KLRC3: variants seen among roughly 807,000 people sequenced by gnomAD.
KLRC3 encodes killer cell lectin like receptor C3, also known as NKG2-E type II integral membrane protein.
KLRC3 carries 16 observed loss-of-function variants against 23.6 expected under a neutral mutation model. That is an observed-to-expected ratio of 0.68 (90% CI 0.46 to 1.03). The LOEUF (loss-of-function observed/expected upper bound fraction) is 1.03. KLRC3 is among the 50% of genes least tolerant of loss of function. The pLI, the probability that KLRC3 is intolerant of heterozygous loss-of-function variation, is 0.00. For missense variants in KLRC3, 209 were observed against 232.2 expected (o/e 0.90, Z 0.65); for synonymous variants, 70 against 71.8 (o/e 0.98, Z 0.13).
In KLRC3 at chr12:10,413,980, C is replaced by T. The variant is rs569063847; in HGVS notation, c.679-1364G>A. 2.2e-4 allele frequency among the ~76,000 whole-genome samples: 34 copies of T among 152,196 alleles called. No homozygotes were observed. The South Asian group carries it at 6.8e-3, about 31-fold the overall frequency. Reference sequence around the variant, plus strand: ...AACTCATCCTTTTTTATGGCTAAAGCAGTACTCTTAACAAATGCTTCCAGG... The same window carrying T: ...AACTCATCCTTTTTTATGGCTAAAGTAGTACTCTTAACAAATGCTTCCAGG... On this transcript the variant is annotated intron_variant, in intron 6 of 6. Coordinates refer to ENST00000396439, the MANE Select transcript of KLRC3 (RefSeq NM_002261.3).
chr12:10,415,466 T>A (rs1315276651), intron 6 of KLRC3: 5 of 616,418 alleles, frequency 8.1e-6, no homozygotes, highest in Non-Finnish European at 1.3e-5. Flanking sequence ...GAAGCCTGAA[T>A]GCCACAAACA....
intron 6 of KLRC3, among the ~76,000 whole-genome samples, chr12:10,414,848 T>C (rs958353671): frequency 1.3e-4 from 20 of 152,096 alleles, no homozygotes; most frequent in African/African-American, 4.8e-4. Flanking sequence ...TTTGAAATGA[T>C]AGATTTAAAT....
chr12:10,416,372 CGTTA>C (rs1482736499), intron 5 of KLRC3, among the ~76,000 whole-genome samples: 2 of 152,274 alleles, frequency 1.3e-5, no homozygotes, highest in Non-Finnish European at 2.9e-5. Context: ...CATCAGCTAG[CGTTA>C]GTGTTAGTGT....
intron 6 of KLRC3, 184 bp downstream of exon 6, chr12:10,415,520 G>T: frequency 2.0e-6 from 2 of 998,776 alleles, no homozygotes; most frequent in Non-Finnish European, 2.8e-6. Flanking sequence ...GAGGGTATCT[G>T]TACTTCCGTA....
At chr12:10,419,760 A>G (rs1240535871) in intron 2 of KLRC3, 106 bp downstream of exon 2, 1 of 333,754 alleles carries the variant, frequency 3.0e-6, no homozygotes, top group Admixed American at 4.6e-5. Flanking sequence ...TCTTTGAAAG[A>G]AACAGTAAAA....
rs779365377 is a variant in KLRC3, at chr12:10,420,384, T to C, written c.167A>G (p.Asp56Gly). The change falls in exon 1 of 7, where the codon GAT becomes GGT. Residue 56 changes from aspartate (D) to glycine (G), a missense_variant. Coordinates refer to ENST00000396439, the MANE Select transcript of KLRC3 (RefSeq NM_002261.3). Reference sequence around the variant, plus strand: ...TTTACCTTGGCAGTCATATATTTTATCAATCCCTTGATGATTCAGAGAAGC... The same window carrying C: ...TTTACCTTGGCAGTCATATATTTTACCAATCCCTTGATGATTCAGAGAAGC... ...QNASLNHQGI[D>G]KIYDCQGLLP... 1 of 1,613,660 alleles carries C rather than the reference T, an allele frequency of 6.2e-7. No homozygotes were observed. The highest frequency in any genetic ancestry group is 8.5e-7 in the Non-Finnish European group (1 of 1,179,674).
In KLRC3 at chr12:10,417,253, G is replaced by C. The variant is rs1384151395; in HGVS notation, c.487-486C>G. ...TGTGGAATAACAGGGGTCCTGGCCA[G>C]GTGGTGTAGACTCGTCTCTCTCTGC... On this transcript the variant is annotated intron_variant, in intron 4 of 6. Transcript: ENST00000396439. Among the ~76,000 whole-genome samples the C allele has an allele frequency of 2.0e-5, 3 of 151,850 alleles. No homozygotes were observed. The East Asian group carries it at 5.8e-4, about 29-fold the overall frequency.
intron 4 of KLRC3, among the ~76,000 whole-genome samples, chr12:10,418,013 C>G (rs1216195382): frequency 2.6e-5 from 4 of 152,148 alleles, no homozygotes; most frequent in Non-Finnish European, 5.9e-5. Flanking sequence ...AAACTTATTT[C>G]ATGATCTCAC....
chr12:10,415,463 GAA>G, intron 6 of KLRC3: 2 of 608,600 alleles, frequency 3.3e-6, no homozygotes, highest in South Asian at 4.8e-5. Context: ...TAGGAAGCCT[GAA>G]TGCCACAAAC....
At chr12:10,413,664 A>G (rs1358141373) in intron 6 of KLRC3, among the ~76,000 whole-genome samples, 1 of 152,142 alleles carries the variant, frequency 6.6e-6, no homozygotes, top group African/African-American at 2.4e-5. Context: ...GTTCTAGGGT[A>G]TATGTGCACA....
rs571456158 is a variant in KLRC3 at position 10,418,194 on chromosome 12, T to TA, written c.486+149dup. 88 of 819,840 alleles carry TA rather than the reference T, an allele frequency of 1.1e-4. No homozygotes were observed. The African/African-American group carries it at 1.4e-3, about 13-fold the overall frequency. The allele number at this position is 819,840 out of a possible 1,614,324, so 50.8% of individuals were successfully genotyped here. On this transcript the variant is annotated intron_variant, in intron 4 of 6. Coordinates refer to ENST00000396439, the MANE Select transcript of KLRC3 (RefSeq NM_002261.3). ...AAAGTACATTAGCGGTATATAACTTTAAAAACATTATTAAGTCAATCAACT... is the reference window on the plus strand; with the variant it reads ...AAAGTACATTAGCGGTATATAACTTTAAAAAACATTATTAAGTCAATCAACT...
Position 10,412,631 on chromosome 12 carries a change from G to A in KLRC3, c.679-15C>T, listed in dbSNP as rs1214327423. 6 of 700,624 alleles carry A rather than the reference G, an allele frequency of 8.6e-6. No homozygotes were observed. Among genetic ancestry groups the A allele is most frequent in the Admixed American group, 2.0e-5 (1 of 49,752 alleles). 43.4% of individuals were successfully genotyped at this position (700,624 alleles called of 1,614,324 possible). A position where few individuals can be genotyped will look rare whatever the true frequency, so the allele number is the denominator to read the frequency against. ...AAACCCCGTCTCTACAAAAAAATACGAAAATTAGCCAGCATGATGGTATTG... is the reference window on the plus strand; with the variant it reads ...AAACCCCGTCTCTACAAAAAAATACAAAAATTAGCCAGCATGATGGTATTG... On this transcript the variant is annotated splice_polypyrimidine_tract_variant and intron_variant, in intron 6 of 6. Transcript: ENST00000396439.
chr12:10,416,562 T>C, intron 5 of KLRC3, 105 bp downstream of exon 5: 1 of 1,342,872 alleles, frequency 7.4e-7, no homozygotes, highest in Non-Finnish European at 1.0e-6. Flanking sequence ...TCACTAACTT[T>C]CCACATCTTT....
At position 10,418,441 on chromosome 12, in the gene KLRC3, T is replaced by C. The variant is rs755424073; in HGVS notation, c.389A>G (p.Tyr130Cys). 6.2e-7 allele frequency: 1 copy of C among 1,609,932 alleles called. No homozygotes were observed. The highest frequency in any genetic ancestry group is 8.5e-7 in the Non-Finnish European group (1 of 1,176,380). ...CCAAGTTCTTCTTTCCTTACCAATG[T>C]AATAACAACTGTTGGAATATGTAAT... ...EWITYSNSCYYIGKERRTWEE... is the reference protein window; with the variant it reads ...EWITYSNSCYCIGKERRTWEE... Residue 130 changes from tyrosine (Y) to cysteine (C), a missense_variant, in exon 4 of 7, where the codon TAC (tyrosine) becomes TGC (cysteine). Tyr to Cys is a radical substitution (Grantham distance 194). Coordinates refer to ENST00000396439, the MANE Select transcript of KLRC3 (RefSeq NM_002261.3).
chr12:10,414,211 T>C (rs1404622046), intron 6 of KLRC3, among the ~76,000 whole-genome samples: 1 of 152,136 alleles, frequency 6.6e-6, no homozygotes, highest in Non-Finnish European at 1.5e-5. Context: ...AAACAAAGCC[T>C]AGTTTAACAT....
chr12:10,413,749 G>C (rs796674992), intron 6 of KLRC3, among the ~76,000 whole-genome samples: 10 of 152,206 alleles, frequency 6.6e-5, no homozygotes, highest in African/African-American at 2.4e-4. Context: ...ATTTACATTA[G>C]GTATTTCTCC....
chr12:10,416,561 T>C (rs1373708232), intron 5 of KLRC3, 106 bp downstream of exon 5: 1 of 1,336,566 alleles, frequency 7.5e-7, no homozygotes, highest in Non-Finnish European at 1.0e-6. Flanking sequence ...TTCACTAACT[T>C]TCCACATCTT....
At chr12:10,416,860 CA>C (rs1863652767) in intron 4 of KLRC3, 93 bp from the exon 5 acceptor site, 2 of 1,075,628 alleles carry the variant, frequency 1.9e-6, no homozygotes, top group Middle Eastern at 3.1e-4. Context: ...TTTGCAGTGC[CA>C]AAAACTTTCA....
In KLRC3 at chr12:10,418,510, A is replaced by G. The variant is rs1555124489; in HGVS notation, c.332-12T>C. On this transcript the variant is annotated splice_polypyrimidine_tract_variant and intron_variant, in intron 3 of 6. Transcript: ENST00000396439. ...GCCACAATGACGTGCTAATAAAGATATGAATTACTATCTAGACCAATATGA... is the reference window on the plus strand; with the variant it reads ...GCCACAATGACGTGCTAATAAAGATGTGAATTACTATCTAGACCAATATGA... 19 of 1,551,260 alleles carry G rather than the reference A, an allele frequency of 1.2e-5. No homozygotes were observed. The highest frequency in any genetic ancestry group is 1.6e-5 in the Non-Finnish European group (18 of 1,130,180).
Sources: allele counts gnomAD v4.1 joint callset (sites outside exome capture counted in the v4.1 genomes callset), GRCh38; gene constraint gnomAD v4.1.1; transcripts MANE v1.5; gene names NCBI Gene and HGNC (gene_info 2026-07-23, HGNC 2026-07-21).